HERC1: variants seen among roughly 807,000 people sequenced by gnomAD.
HERC1 encodes the protein probable E3 ubiquitin-protein ligase HERC1.
HERC1 carries 160 observed loss-of-function variants against 554.3 expected under a neutral mutation model. The observed-to-expected ratio is 0.29, with a 90% confidence interval of 0.25 to 0.33. HERC1 has a LOEUF of 0.33. Among genes scored for constraint, HERC1 ranks in the 10% least tolerant of loss-of-function variants. The probability of loss-of-function intolerance (pLI) is 1.00; values close to 1 mark genes in which losing one functional copy is unlikely to be tolerated. For synonymous variants in HERC1, 2,175 were observed against 2,131.7 expected (o/e 1.02, Z -0.56); for missense variants, 4,919 against 5,918.5 (o/e 0.83, Z 5.54).
chr15:63,631,071 C>T (rs950955555), intron 68 of HERC1, among the ~76,000 whole-genome samples: 77 of 152,124 alleles, frequency 5.1e-4, no homozygotes, highest in African/African-American at 1.8e-3. Context: ...CTCAACCTGT[C>T]GGGTTTAAAT....
chr15:63,792,749 C>T (rs747952769), intron 1 of HERC1, among the ~76,000 whole-genome samples: 4 of 152,166 alleles, frequency 2.6e-5, no homozygotes, highest in Non-Finnish European at 4.4e-5. Flanking sequence ...GCAGCAGACG[C>T]TAGCTGGGTG....
At chr15:63,747,552 T>C (rs1188810521) in intron 11 of HERC1, among the ~76,000 whole-genome samples, 172 bp downstream of exon 11, 1 of 152,218 alleles carries the variant, frequency 6.6e-6, no homozygotes, top group African/African-American at 2.4e-5. Flanking sequence ...GAAGTTATTA[T>C]CAACAAGTAT....
intron 12 of HERC1, among the ~76,000 whole-genome samples, chr15:63,737,844 A>T (rs2074615553): frequency 6.6e-6 from 1 of 152,178 alleles, no homozygotes. Flanking sequence ...TGATTTTCTA[A>T]GTAACACCGC....
chr15:63,729,525 G>C lies in HERC1; in HGVS notation c.2993C>G (p.Ala998Gly). ...ACTAATGTTATTGATATGGCAAAAT[G>C]CCAGCAGCTGTTTCTGTAGTGAACA... ...LLCSLQKQLL[A>G]FCHINNISEN... Residue 998 changes from alanine to glycine, a missense_variant, in exon 15 of 78, where the codon GCA (alanine) becomes GGA (glycine). Physicochemically the swap from Ala to Gly is moderately conservative, Grantham distance 60 (BLOSUM62 0). Around this residue, in one of 11 missense-constraint regions of HERC1, gnomAD observed 744 missense variants for 1,090.0 expected, o/e 0.68. Transcript: ENST00000443617. The C allele has an allele frequency of 6.2e-7, 1 of 1,613,760 alleles. No individual in the cohort carries two copies.
intron 1 of HERC1, among the ~76,000 whole-genome samples, chr15:63,824,742 A>T (rs1285128205): frequency 6.6e-6 from 1 of 151,866 alleles, no homozygotes; most frequent in South Asian, 2.1e-4. Context: ...ATACAAACAC[A>T]CTCTGGAATA....
chr15:63,746,740 G>A (rs1451590181), intron 12 of HERC1, among the ~76,000 whole-genome samples, 178 bp downstream of exon 12: 1 of 152,172 alleles, frequency 6.6e-6, no homozygotes, highest in East Asian at 1.9e-4. Context: ...TATCAGAGAT[G>A]GCATCTGACC....
chr15:63,629,566 T>G (rs2068456264), intron 69 of HERC1, among the ~76,000 whole-genome samples: 1 of 152,234 alleles, frequency 6.6e-6, no homozygotes, highest in Non-Finnish European at 1.5e-5. Flanking sequence ...AGCCAGTGTT[T>G]CAGCAGCTAA....
At position 63,623,794 on chromosome 15, in the gene HERC1, A is replaced by C; in HGVS notation, c.13542T>G (p.Val4514=). Residue 4514 remains valine, a synonymous_variant, in exon 73 of 78, where the codon GTT becomes GTG. Transcript: ENST00000443617. ...DLRLPSRAWK[V]KLVGEGADDA... ...CATCAGCCCCTTCTCCAACCAGCTTAACCTTCCACGCTCGGGAAGGCAGGC... is the reference window on the plus strand; with the variant it reads ...CATCAGCCCCTTCTCCAACCAGCTTCACCTTCCACGCTCGGGAAGGCAGGC... The C allele has an allele frequency of 6.2e-7, 1 of 1,613,990 alleles. No homozygotes were observed. The highest frequency in any genetic ancestry group is 8.5e-7 in the Non-Finnish European group (1 of 1,179,894).
chr15:63,746,795 A>T lies in HERC1; in HGVS notation c.2520+123T>A. 3 of 848,130 alleles carry T rather than the reference A, an allele frequency of 3.5e-6. No individual in the cohort carries two copies. In the South Asian group the frequency reaches 5.9e-5, roughly 17 times the overall value. The allele number at this position is 848,130 out of a possible 1,614,324, so 52.5% of individuals were successfully genotyped here. The stretch of plus-strand genomic sequence containing the variant: ...AACCAAAAATACTCTCACCAAGAAA[A>T]CAGGAGTAAGGGAAACAACATCCAA... On this transcript the variant is annotated intron_variant, in intron 12 of 77. Transcript: ENST00000443617.
At position 63,660,986 on chromosome 15, in the gene HERC1, G is replaced by GTCT; in HGVS notation, c.9207_9209dup (p.Gln3069_Asp3070insGlu). On this transcript the variant is annotated inframe_insertion, in exon 46 of 78. Transcript: ENST00000443617. The stretch of plus-strand genomic sequence containing the variant: ...AAAACAAACTACCTTCATACACACT[G>GTCT]TCTTGCTTGCCAATTAGATCTGGAG... The GTCT allele has an allele frequency of 6.2e-7, 1 of 1,609,168 alleles. No homozygotes were observed. The highest frequency in any genetic ancestry group is 8.5e-7 in the Non-Finnish European group (1 of 1,175,560).
At chr15:63,741,051 C>T (rs1272865054) in intron 12 of HERC1, among the ~76,000 whole-genome samples, 9 of 151,274 alleles carry the variant, frequency 5.9e-5, no homozygotes, top group African/African-American at 1.5e-4. Context: ...TTTTGTGAGA[C>T]GGACTCTTGC....
chr15:63,707,055 A>G (rs1004450857), intron 24 of HERC1, among the ~76,000 whole-genome samples: 2 of 152,198 alleles, frequency 1.3e-5, no homozygotes, highest in African/African-American at 4.8e-5. Flanking sequence ...AAAAACTCAC[A>G]TTAATTAACA....
chr15:63,659,924 A>G lies in HERC1; in HGVS notation c.9236T>C (p.Met3079Thr). 6.2e-7 allele frequency: 1 copy of G among 1,609,028 alleles called. No individual in the cohort carries two copies. Among genetic ancestry groups the G allele is most frequent in the Non-Finnish European group, 8.5e-7 (1 of 1,175,576 alleles). ...QDSVYEEDWD[M>T]LDVDEDEKLT... is the part of the protein sequence containing the mutation. ...CTTTTCATCTTCATCAACATCCAAC[A>G]TGTCCCAGTCTTCTGGAATTTAAAT... Residue 3079 changes from methionine (M) to threonine (T), a missense_variant, in exon 47 of 78, where the codon ATG becomes ACG. Physicochemically the swap from Met to Thr is moderately conservative, Grantham distance 81 (BLOSUM62 -1). This residue lies in a region of HERC1 where 1,963 missense variants were observed against 2,228.6 expected (regional missense o/e 0.88). Transcript: ENST00000443617.
chr15:63,627,764 A>G (rs1404887124), intron 70 of HERC1, among the ~76,000 whole-genome samples: 1 of 152,148 alleles, frequency 6.6e-6, no homozygotes, highest in Admixed American at 6.5e-5. Context: ...CTACATCTGG[A>G]AGGAATGGAA....
chr15:63,799,964 T>C (rs1172462075), intron 1 of HERC1, among the ~76,000 whole-genome samples: 2 of 152,054 alleles, frequency 1.3e-5, no homozygotes, highest in Non-Finnish European at 2.9e-5. Flanking sequence ...ACTCCATCTT[T>C]ACAGAAAAAA....
rs191792377 is a variant in HERC1 at position 63,663,995 on chromosome 15, C to T, written c.8680+475G>A. ...CCCTATAATTTATATTTTACATGCC[C>T]AGAACGTAATCCTAGAATTTACTAA... On this transcript the variant is annotated intron_variant, in intron 43 of 77. Transcript: ENST00000443617. 2.6e-5 allele frequency among the ~76,000 whole-genome samples: 4 copies of T among 152,270 alleles called. No homozygotes were observed. In the East Asian group the frequency reaches 7.7e-4, roughly 29 times the overall value.
Position 63,752,971 on chromosome 15 carries a change from G to T in HERC1, c.1889C>A (p.Thr630Lys). The change falls in exon 8 of 78, where the codon ACA (threonine) becomes AAA (lysine). Residue 630 changes from threonine to lysine, a missense_variant. Physicochemically the swap from Thr to Lys is moderately conservative, Grantham distance 78. Coordinates refer to ENST00000443617, the MANE Select transcript of HERC1 (RefSeq NM_003922.4). ...CCTTAGTCCTACCTGCCCTGTTGAT[G>T]TCAAAGCAAGTGAAGACTGGCTCCC... is the stretch of plus-strand genomic sequence containing the variant. ...CAGSQSSLAL[T>K]STGQVYAWGC... is the part of the protein sequence containing the mutation. The T allele has an allele frequency of 6.2e-7, 1 of 1,613,490 alleles. No individual in the cohort carries two copies. The highest frequency in any genetic ancestry group is 8.5e-7 in the Non-Finnish European group (1 of 1,179,590).
Position 63,643,469 on chromosome 15 carries a change from T to C in HERC1, c.11266A>G (p.Ser3756Gly). 1 of 1,613,152 alleles carries C rather than the reference T, an allele frequency of 6.2e-7. No homozygotes were observed. The highest frequency in any genetic ancestry group is 8.5e-7 in the Non-Finnish European group (1 of 1,179,486). ...GACACCAGGGCCAACCCATCAGAACTAAAGGCAACAGTCCGAACAGGAGTG... is the reference window on the plus strand; with the variant it reads ...GACACCAGGGCCAACCCATCAGAACCAAAGGCAACAGTCCGAACAGGAGTG... The part of the protein sequence containing the change: ...HITPVRTVAF[S>G]SDGLALVSGG... Residue 3756 changes from serine to glycine, a missense_variant, in exon 58 of 78, where the codon AGT becomes GGT. This residue lies in a region of HERC1 where 1,963 missense variants were observed against 2,228.6 expected (regional missense o/e 0.88). Coordinates refer to ENST00000443617, the MANE Select transcript of HERC1 (RefSeq NM_003922.4).
chr15:63,675,250 A>G, intron 37 of HERC1, 133 bp from the exon 38 acceptor site: 1 of 678,652 alleles, frequency 1.5e-6, no homozygotes. Flanking sequence ...AAACTAGAGA[A>G]ATCATTACAA....
Sources: gnomAD v4.1 joint callset for allele counts (sites outside exome capture counted in the v4.1 genomes callset) on GRCh38, gnomAD v4.1.1 for gene constraint, gnomAD v4.1.1 regional missense constraint, MANE v1.5 for transcripts, NCBI Gene and HGNC (gene_info 2026-07-23, HGNC 2026-07-21) for gene names.